Variants in MAP3K5 observed in about 807,000 individuals in gnomAD.
MAP3K5 encodes ASK-1.
A neutral mutation model predicts 158.7 loss-of-function variants in MAP3K5; 56 were observed. The observed-to-expected ratio is 0.35, with a 90% CI of 0.28 to 0.44. MAP3K5 has a LOEUF of 0.44. Among genes scored for constraint, MAP3K5 ranks in the 20% least tolerant of loss-of-function variants. The pLI is 1.00. For synonymous variants in MAP3K5, 579 were observed against 601.7 expected (o/e 0.96, Z 0.55); for missense variants, 1,294 against 1,674.8 (o/e 0.77, Z 3.97).
At chr6:136,616,734 A>G (rs1272303069) in intron 15 of MAP3K5, among the ~76,000 whole-genome samples, 1 of 150,922 alleles carries the variant, frequency 6.6e-6, no homozygotes, top group African/African-American at 2.5e-5. Context: ...GATGATGGTG[A>G]TGATGATGAT....
intron 25 of MAP3K5, among the ~76,000 whole-genome samples, chr6:136,568,878 A>C (rs1180491236): frequency 1.3e-5 from 2 of 151,644 alleles, no homozygotes; most frequent in African/African-American, 2.4e-5. Context: ...AAAAAAAAAA[A>C]AAACTTGGAT....
intron 1 of MAP3K5, among the ~76,000 whole-genome samples, chr6:136,760,203 T>C (rs922492650): frequency 7.2e-5 from 11 of 152,208 alleles, no homozygotes; most frequent in African/African-American, 2.4e-4. Flanking sequence ...GGCATAAACA[T>C]GCTGTCTCAT....
chr6:136,732,412 G>A (rs955272912), intron 1 of MAP3K5, among the ~76,000 whole-genome samples: 2 of 152,050 alleles, frequency 1.3e-5, no homozygotes, highest in Non-Finnish European at 2.9e-5. Context: ...GTGACAGAGC[G>A]AGGCTCCGTC....
In MAP3K5 at chr6:136,611,382, G is replaced by T; in HGVS notation, c.2421C>A (p.Asp807Glu). 1.3e-6 allele frequency: 2 copies of T among 1,582,146 alleles called. No homozygotes were observed. The highest frequency in any genetic ancestry group is 1.7e-6 in the Non-Finnish European group (2 of 1,151,824). Residue 807 changes from aspartate (D) to glutamate (E), a missense_variant, in exon 18 of 30, where the codon GAC becomes GAA. By Grantham distance (45) the Asp-to-Glu change is conservative. Coordinates refer to ENST00000359015, the MANE Select transcript of MAP3K5 (RefSeq NM_005923.4). ...CACTGTAGGTATTAATCAACACATTGTCACCCTAGAGAACAGAGGACTTTA... is the reference window on the plus strand; with the variant it reads ...CACTGTAGGTATTAATCAACACATTTTCACCCTAGAGAACAGAGGACTTTA... ...NQIVHRDIKG[D>E]NVLINTYSGV...
chr6:136,774,550 A>T (rs1274589871), intron 1 of MAP3K5, among the ~76,000 whole-genome samples: 2 of 152,206 alleles, frequency 1.3e-5, no homozygotes, highest in Admixed American at 1.3e-4. Flanking sequence ...CGCTCCAGGA[A>T]AGGGATGACA....
At chr6:136,699,864 C>G (rs1780768218) in intron 3 of MAP3K5, among the ~76,000 whole-genome samples, 1 of 152,142 alleles carries the variant, frequency 6.6e-6, no homozygotes, top group Non-Finnish European at 1.5e-5. Flanking sequence ...GAAGCCAAGG[C>G]GGGCAGATTG....
At chr6:136,593,210 AGAT>A (rs769513270) in intron 21 of MAP3K5, among the ~76,000 whole-genome samples, 1 of 152,252 alleles carries the variant, frequency 6.6e-6, no homozygotes, top group Non-Finnish European at 1.5e-5. Flanking sequence ...CAGATGGACT[AGAT>A]GATCTCTTAG....
intron 2 of MAP3K5, among the ~76,000 whole-genome samples, chr6:136,712,659 C>T (rs1325207990): frequency 2.0e-5 from 3 of 152,192 alleles, no homozygotes; most frequent in Non-Finnish European, 4.4e-5. Context: ...TCATACTTTA[C>T]ACATTGATAT....
intron 29 of MAP3K5, among the ~76,000 whole-genome samples, chr6:136,558,106 C>T (rs949503786): frequency 4.6e-5 from 7 of 152,146 alleles, no homozygotes; most frequent in East Asian, 3.9e-4. Context: ...GGGCTGGGCG[C>T]GGTGGCGCAT....
At position 136,730,773 on chromosome 6, in the gene MAP3K5, A is replaced by G. The variant is rs1782191815; in HGVS notation, c.449-10184T>C. Among the ~76,000 whole-genome samples, 3 of 151,990 alleles carry G rather than the reference A, an allele frequency of 2.0e-5. No homozygotes were observed. The South Asian group carries it at 6.2e-4, about 32-fold the overall frequency. ...CACAGCAATGGGTGACCACTGAAAC[A>G]GTGAATGTAGATGAGGTTGTCAACT... On this transcript the variant is annotated intron_variant, in intron 1 of 29. Transcript: ENST00000359015.
In MAP3K5 at chr6:136,583,613, T is replaced by C. The variant is rs1218841742; in HGVS notation, c.3353A>G (p.Asp1118Gly). Residue 1118 changes from aspartate to glycine, a missense_variant, in exon 24 of 30, where the codon GAC (aspartate) becomes GGC (glycine). Coordinates refer to ENST00000359015, the MANE Select transcript of MAP3K5 (RefSeq NM_005923.4). Reference protein sequence around the residue: ...TTLSKLKLELDFDSHGISQVQ... With the variant: ...TTLSKLKLELGFDSHGISQVQ... The stretch of plus-strand genomic sequence containing the variant: ...TTGGCTAATGCCATGGCTGTCGAAG[T>C]CCAGCTCCAGTTTCAGCTTTGACAG... 1.2e-6 allele frequency: 2 copies of C among 1,614,118 alleles called. No homozygotes were observed. Among genetic ancestry groups the C allele is most frequent in the Non-Finnish European group, 1.7e-6 (2 of 1,180,044 alleles).
chr6:136,690,210 C>A (rs577320614), intron 7 of MAP3K5, among the ~76,000 whole-genome samples: 2 of 152,164 alleles, frequency 1.3e-5, no homozygotes, highest in Admixed American at 6.5e-5. Context: ...CCCATCCGTG[C>A]ATCTATACTT....
At chr6:136,735,505 T>C (rs1196888455) in intron 1 of MAP3K5, among the ~76,000 whole-genome samples, 1 of 152,200 alleles carries the variant, frequency 6.6e-6, no homozygotes, top group African/African-American at 2.4e-5. Flanking sequence ...AGGTACTGTG[T>C]TAGGAGTCCT....
At chr6:136,574,273 A>G (rs761555275) in intron 25 of MAP3K5, among the ~76,000 whole-genome samples, 2 of 152,180 alleles carry the variant, frequency 1.3e-5, no homozygotes, top group Non-Finnish European at 2.9e-5. Context: ...AATGCTTAGT[A>G]AGATCATAAT....
chr6:136,769,771 GGAAGGAAGGAAGGA>G (rs1784108152), intron 1 of MAP3K5, among the ~76,000 whole-genome samples: 5 of 41,936 alleles, frequency 1.2e-4, no homozygotes, highest in African/African-American at 5.0e-4. Flanking sequence ...AAGGAAGGAA[GGAAGGAAGGAAGGA>G]AGGAAGGAAG....
chr6:136,650,575 T>A lies in MAP3K5; in HGVS notation c.1788+409A>T, dbSNP rs76819079. On this transcript the variant is annotated intron_variant, in intron 11 of 29. Transcript: ENST00000359015. Reference sequence around the variant, plus strand: ...ATAACAAAACAGCTAGATGTAATGATAACTATAATGGTACCAGTGTAAGAT... The same window carrying A: ...ATAACAAAACAGCTAGATGTAATGAAAACTATAATGGTACCAGTGTAAGAT... 2.0e-3 allele frequency among the ~76,000 whole-genome samples: 312 copies of A among 152,352 alleles called. 9 individuals carry two copies. In the East Asian group the frequency reaches 0.049, roughly 24 times the overall value.
chr6:136,574,385 T>C (rs554079277), intron 25 of MAP3K5, among the ~76,000 whole-genome samples: 77 of 152,332 alleles, frequency 5.1e-4, no homozygotes, highest in African/African-American at 1.8e-3. Flanking sequence ...CTTGATTCAG[T>C]TAACAACTAG....
chr6:136,680,599 C>T lies in MAP3K5; in HGVS notation c.1254-11204G>A, dbSNP rs572599327. 2.0e-5 allele frequency among the ~76,000 whole-genome samples: 3 copies of T among 152,316 alleles called. No homozygotes were observed. In the East Asian group the frequency reaches 5.8e-4, roughly 29 times the overall value. Reference sequence around the variant, plus strand: ...GCTCTTGATGCACAATACCAAACTGCTTTCCAGAAAGGTCTTTACCAATTC... The same window carrying T: ...GCTCTTGATGCACAATACCAAACTGTTTTCCAGAAAGGTCTTTACCAATTC... On this transcript the variant is annotated intron_variant, in intron 7 of 29. Transcript: ENST00000359015.
At chr6:136,674,831 G>T (rs1369307681) in intron 7 of MAP3K5, among the ~76,000 whole-genome samples, 3 of 151,882 alleles carry the variant, frequency 2.0e-5, no homozygotes, top group African/African-American at 7.2e-5. Context: ...GCTCATTGGA[G>T]CATTTCTGAT....
Sources: gnomAD v4.1 joint callset for allele counts (sites outside exome capture counted in the v4.1 genomes callset) on GRCh38, gnomAD v4.1.1 for gene constraint, MANE v1.5 for transcripts, NCBI Gene and HGNC (gene_info 2026-07-23, HGNC 2026-07-21) for gene names.